Variants in KIFAP3 observed in about 807,000 individuals in gnomAD.
KIFAP3 encodes the protein kinesin-associated protein 3.
KIFAP3 carries 68 observed loss-of-function variants against 106.5 expected under a neutral mutation model. That is an observed-to-expected ratio of 0.64 (90% confidence interval 0.53 to 0.78). The LOEUF (loss-of-function observed/expected upper bound fraction) is 0.78. Among genes scored for constraint, KIFAP3 ranks in the 30% least tolerant of loss-of-function variants. The pLI is 0.00. For synonymous variants in KIFAP3, 320 were observed against 311.5 expected (o/e 1.03, Z -0.29); for missense variants, 780 against 941.8 (o/e 0.83, Z 2.25).
At chr1:170,017,631 A>C (rs921472018) in intron 9 of KIFAP3, among the ~76,000 whole-genome samples, 4 of 152,188 alleles carry the variant, frequency 2.6e-5, no homozygotes, top group African/African-American at 7.2e-5. Context: ...CTGTACTAAG[A>C]AGTTTAACTT....
intron 19 of KIFAP3, among the ~76,000 whole-genome samples, chr1:169,951,121 T>A (rs1664707058): frequency 6.6e-6 from 1 of 151,922 alleles, no homozygotes; most frequent in South Asian, 2.1e-4. Flanking sequence ...GTGTAATCCG[T>A]CTGTGGCTCT....
chr1:170,064,585 C>T (rs1394690362), intron 1 of KIFAP3, among the ~76,000 whole-genome samples: 1 of 152,186 alleles, frequency 6.6e-6, no homozygotes, highest in East Asian at 1.9e-4. Context: ...AACTCCTGGG[C>T]TCAAGCGATC....
At chr1:169,998,299 CTA>C (rs751720310) in intron 10 of KIFAP3, among the ~76,000 whole-genome samples, 78 of 151,420 alleles carry the variant, frequency 5.2e-4, no homozygotes, top group Non-Finnish European at 9.1e-4. Flanking sequence ...CAAATAAAAC[CTA>C]TATGACAGAG....
exon 1 of KIFAP3, chr1:170,085,099 C>T (rs1210679628): frequency 1.3e-5 from 2 of 152,200 alleles, no homozygotes; most frequent in African/African-American, 2.4e-5. Flanking sequence ...TATCCACTGG[C>T]TATCAATGCC....
rs147805818 is a variant in KIFAP3, at chr1:169,945,108, G to T, written c.2273+8903C>A. On this transcript the variant is annotated intron_variant, in intron 19 of 19. Transcript: ENST00000361580. ...CTGGCCTCCCTCCCTGAGCTTGTAG[G>T]TGCCCAAAGCTTCAGAGGGGGCTGA... Among the ~76,000 whole-genome samples, 114 of 149,986 alleles carry T rather than the reference G, an allele frequency of 7.6e-4. 3 individuals are homozygous for T. In the East Asian group the frequency reaches 0.019, roughly 25 times the overall value.
At chr1:170,079,328 A>T (rs577071635), upstream of KIFAP3, among the ~76,000 whole-genome samples, 20 of 152,320 alleles carry the variant, frequency 1.3e-4, no homozygotes, top group Non-Finnish European at 2.4e-4. Flanking sequence ...AGAAGCAGAT[A>T]CTGGCCCCCT....
chr1:170,041,715 GA>G (rs769066481), intron 3 of KIFAP3: 70 of 1,535,102 alleles, frequency 4.6e-5, no homozygotes, highest in Non-Finnish European at 5.9e-5. Flanking sequence ...AACAGTTTCT[GA>G]ATCTGAAAGA....
At chr1:170,013,356 T>C (rs1425578364) in intron 10 of KIFAP3, among the ~76,000 whole-genome samples, 1 of 152,038 alleles carries the variant, frequency 6.6e-6, no homozygotes, top group African/African-American at 2.4e-5. Flanking sequence ...ATTCTATGTA[T>C]ATTTCTTTTG....
chr1:169,974,505 T>C (rs1012190814), intron 16 of KIFAP3, among the ~76,000 whole-genome samples: 5 of 151,958 alleles, frequency 3.3e-5, no homozygotes, highest in African/African-American at 1.2e-4. Flanking sequence ...GCTACATGGC[T>C]ATATTGCATA....
At chr1:169,985,863 T>G (rs759011522) in intron 11 of KIFAP3, among the ~76,000 whole-genome samples, 16 of 151,980 alleles carry the variant, frequency 1.1e-4, no homozygotes, top group Non-Finnish European at 1.6e-4. Flanking sequence ...AGCAGTAATC[T>G]AGATTTGTCA....
intron 15 of KIFAP3, 86 bp downstream of exon 15, chr1:169,981,886 G>T (rs1666542125): frequency 8.9e-7 from 1 of 1,122,852 alleles, no homozygotes. Context: ...GAGAAAAACA[G>T]ATTACAGACT....
In KIFAP3 at chr1:169,923,095, T is replaced by TG; in HGVS notation, c.2274-1315dup. The TG allele has an allele frequency of 3.0e-6, 3 of 985,270 alleles. No homozygotes were observed. The South Asian group carries it at 1.4e-4, about 46-fold the overall frequency. 61.0% of individuals were successfully genotyped at this position (985,270 alleles called of 1,614,324 possible). ...CCAGTGACTCTGCCCTTTAGGAGAA[T>TG]GGAAGTTCTGAAATACAAGTTTCAG... On this transcript the variant is annotated intron_variant, in intron 19 of 19. Coordinates refer to ENST00000361580, the MANE Select transcript of KIFAP3 (RefSeq NM_014970.4).
intron 19 of KIFAP3, among the ~76,000 whole-genome samples, chr1:169,922,908 T>A (rs1662901407): frequency 6.6e-6 from 1 of 151,728 alleles, no homozygotes; most frequent in African/African-American, 2.4e-5. Context: ...ACACTCAGAG[T>A]GAGATTAAGT....
intron 16 of KIFAP3, among the ~76,000 whole-genome samples, chr1:169,977,586 A>G (rs1195034803): frequency 6.6e-6 from 1 of 152,162 alleles, no homozygotes; most frequent in African/African-American, 2.4e-5. Context: ...TTGATTTACA[A>G]TGCTCTTTAG....
At chr1:169,927,628 G>T (rs1490680536) in intron 19 of KIFAP3, among the ~76,000 whole-genome samples, 2 of 152,070 alleles carry the variant, frequency 1.3e-5, no homozygotes, top group Admixed American at 1.3e-4. Flanking sequence ...GACATGGAGT[G>T]GGCATTCAAA....
In KIFAP3 at chr1:169,961,482, A is replaced by G. The variant is rs550386229; in HGVS notation, c.1984-247T>C. Among the ~76,000 whole-genome samples, 126 of 152,304 alleles carry G rather than the reference A, an allele frequency of 8.3e-4. 1 individual carries two copies. Among genetic ancestry groups the G allele is most frequent in the African/African-American group, 2.9e-3 (120 of 41,576 alleles). On this transcript the variant is annotated intron_variant, in intron 17 of 19. Transcript: ENST00000361580. The stretch of plus-strand genomic sequence containing the variant: ...CACTAGAAAAGTTTAAATTTCATAA[A>G]TTCTTATTTAATATTACATAAATAT...
At chr1:169,975,672 T>A (rs998781188) in intron 16 of KIFAP3, among the ~76,000 whole-genome samples, 1 of 152,126 alleles carries the variant, frequency 6.6e-6, no homozygotes, top group Non-Finnish European at 1.5e-5. Flanking sequence ...TGGAGTGCAA[T>A]GGCATGATCA....
intron 14 of KIFAP3, 118 bp from the exon 15 acceptor site, chr1:169,982,215 AATCCTTG>A: frequency 9.7e-7 from 1 of 1,034,388 alleles, no homozygotes; most frequent in South Asian, 1.6e-5. Context: ...AAGTCATATG[AATCCTTG>A]ATATGCTATA....
chr1:169,940,906 G>T (rs541202532), intron 19 of KIFAP3, among the ~76,000 whole-genome samples: 5,332 of 145,368 alleles, frequency 0.037, 270 homozygotes, highest in African/African-American at 0.12. Flanking sequence ...ACTTGTTTAA[G>T]AATTATGTGT....
Sources: allele counts gnomAD v4.1 joint callset (sites outside exome capture counted in the v4.1 genomes callset), GRCh38; gene constraint gnomAD v4.1.1; transcripts MANE v1.5; gene names NCBI Gene and HGNC (gene_info 2026-07-23, HGNC 2026-07-21).